The following SERPINA7 variants were observed in gnomAD, a reference collection of about 807,000 sequenced individuals.
SERPINA7 encodes the protein serpin family A member 7, also known as thyroxine-binding globulin.
SERPINA7 carries 14 observed loss-of-function variants against 16.0 expected under a neutral mutation model. That is an observed-to-expected ratio of 0.88 (90% CI 0.58 to 1.37). The LOEUF is 1.37. Ranked by LOEUF, SERPINA7 falls within the 40% of genes most tolerant of loss-of-function variation. SERPINA7 has a pLI of 0.00. For synonymous variants in SERPINA7, 140 were observed against 111.0 expected, an observed-to-expected ratio of 1.26 and a Z score of -1.65; for missense variants, 335 against 296.6, an observed-to-expected ratio of 1.13 and a Z score of -0.95.
chrX:106,033,594 A>G lies in SERPINA7; in HGVS notation c.1154T>C (p.Ile385Thr). 1.7e-6 allele frequency: 2 copies of G among 1,211,004 alleles called. No individual in the cohort carries two copies. The highest frequency in any genetic ancestry group is 2.2e-6 in the Non-Finnish European group (2 of 894,967). ...QPENTFLHPI[I>T]QIDRSFMLLI... ...CAACATGAAAGATCTATCAATTTGG[A>G]TAATAGGGTGTAGGAAAGTGTTTTC... is the stretch of plus-strand genomic sequence containing the variant. The change falls in exon 5 of 5, where the codon ATC becomes ACC. Residue 385 changes from isoleucine to threonine, a missense_variant. Transcript: ENST00000372563.
At chrX:106,037,347 G>A (rs1023685932) in intron 1 of SERPINA7, 4 of 310,392 alleles carry the variant, frequency 1.3e-5, no homozygotes, top group African/African-American at 2.6e-5. Context: ...TTATGAAAAC[G>A]CTGTGAGTAA....
chrX:106,037,637 G>A (rs921676612), intron 1 of SERPINA7, among the ~76,000 whole-genome samples: 2 of 111,178 alleles, frequency 1.8e-5, no homozygotes, highest in Non-Finnish European at 3.8e-5. Context: ...CCACGTACAA[G>A]GTCATGAGCT....
chrX:106,035,208 G>T lies in SERPINA7; in HGVS notation c.800C>A (p.Ala267Glu). ...LQMDYSKNAL[A>E]LFVLPKEGQM... Reference sequence around the variant, plus strand: ...TCCCTCCTTGGGAAGAACAAAGAGTGCCAGAGCATTCTTGCTGTAGTCCAT... The same window carrying T: ...TCCCTCCTTGGGAAGAACAAAGAGTTCCAGAGCATTCTTGCTGTAGTCCAT... The change falls in exon 3 of 5, where the codon GCA (alanine) becomes GAA (glutamate). Residue 267 changes from alanine (A) to glutamate (E), a missense_variant. Ala to Glu is a moderately radical substitution (Grantham distance 107, BLOSUM62 -1). Transcript: ENST00000372563. The T allele has an allele frequency of 2.5e-6, 3 of 1,211,195 alleles. No individual in the cohort carries two copies. Among genetic ancestry groups the T allele is most frequent in the Non-Finnish European group, 3.4e-6 (3 of 894,997 alleles).
intron 2 of SERPINA7, among the ~76,000 whole-genome samples, chrX:106,036,230 T>C (rs1463574749): frequency 9.0e-6 from 1 of 111,399 alleles, no homozygotes; most frequent in African/African-American, 3.3e-5. Context: ...GAAAGGGCGC[T>C]CTCCCTAGAA....
intron 2 of SERPINA7, among the ~76,000 whole-genome samples, chrX:106,036,141 C>T (rs2041447291): frequency 8.9e-6 from 1 of 112,171 alleles, no homozygotes; most frequent in African/African-American, 3.2e-5. Context: ...GCTTGTCCCA[C>T]CTCACCAAAT....
intron 3 of SERPINA7, 103 bp downstream of exon 3, chrX:106,035,009 G>T: frequency 1.1e-6 from 1 of 923,703 alleles, no homozygotes; most frequent in Non-Finnish European, 1.6e-6. Flanking sequence ...CATAGCTGTT[G>T]GGTAGTTCAG....
In SERPINA7 at chrX:106,036,603, G is replaced by C; in HGVS notation, c.456C>G (p.Thr152=). 8.3e-7 allele frequency: 1 copy of C among 1,210,534 alleles called. No individual in the cohort carries two copies. The highest frequency in any genetic ancestry group is 1.1e-6 in the Non-Finnish European group (1 of 894,845). ...TAGAAAAGACTTCAGTCTCATAGAG[G>C]GTCTTGACATCATTCAAGAACTTTG... ...PLAKFLNDVK[T]LYETEVFSTD... Residue 152 remains threonine, a synonymous_variant, in exon 2 of 5, where the codon ACC becomes ACG. Transcript: ENST00000372563.
Position 106,036,594 on chromosome X carries a change from C to T in SERPINA7, c.465G>A (p.Glu155=), listed in dbSNP as rs776493577. Residue 155 remains glutamate, a synonymous_variant, in exon 2 of 5, where the codon GAG becomes GAA. Coordinates refer to ENST00000372563, the MANE Select transcript of SERPINA7 (RefSeq NM_000354.6). ...AGAAGTCGGTAGAAAAGACTTCAGTCTCATAGAGGGTCTTGACATCATTCA... is the reference window on the plus strand; with the variant it reads ...AGAAGTCGGTAGAAAAGACTTCAGTTTCATAGAGGGTCTTGACATCATTCA... ...KFLNDVKTLY[E]TEVFSTDFSN... 8.3e-7 allele frequency: 1 copy of T among 1,209,175 alleles called. No homozygotes were observed. The highest frequency in any genetic ancestry group is 1.1e-6 in the Non-Finnish European group (1 of 894,833).
chrX:106,034,362 G>C lies in SERPINA7; in HGVS notation c.917C>G (p.Pro306Arg), dbSNP rs1385261270. ...LQKGWVDLFV[P>R]KFSISATYDL... ...ATATGTGGCAGAAATGGAAAACTTT[G>C]GAACAAACAAGTCAACCCATCTGTG... Residue 306 changes from proline to arginine, a missense_variant, in exon 4 of 5, where the codon CCA (proline) becomes CGA (arginine). Transcript: ENST00000372563. 7 of 1,206,169 alleles carry C rather than the reference G, an allele frequency of 5.8e-6. No individual in the cohort carries two copies. Among genetic ancestry groups the C allele is most frequent in the Middle Eastern group, 4.6e-4 (2 of 4,357 alleles).
intron 4 of SERPINA7, among the ~76,000 whole-genome samples, 199 bp downstream of exon 4, chrX:106,034,036 A>C (rs181185299): frequency 2.3e-4 from 26 of 111,938 alleles, no homozygotes; most frequent in African/African-American, 7.8e-4. Flanking sequence ...CTGGGACATA[A>C]AGGTCAAGGA....
intron 1 of SERPINA7, among the ~76,000 whole-genome samples, chrX:106,038,047 C>G (rs1348345548): frequency 9.0e-6 from 1 of 111,576 alleles, no homozygotes; most frequent in Non-Finnish European, 1.9e-5. Flanking sequence ...TTGCTAGAAA[C>G]TGTATCTCTC....
Position 106,035,163 on chromosome X carries a change from G to C in SERPINA7, c.845C>G (p.Ala282Gly), listed in dbSNP as rs1223926237. The C allele has an allele frequency of 5.8e-6, 7 of 1,211,456 alleles. No individual in the cohort carries two copies. Among genetic ancestry groups the C allele is most frequent in the Admixed American group, 2.2e-5 (1 of 46,031 alleles). Residue 282 changes from alanine to glycine, a missense_variant, in exon 3 of 5, where the codon GCT becomes GGT. By Grantham distance (60) the Ala-to-Gly change is moderately conservative (BLOSUM62 0). Transcript: ENST00000372563. Reference sequence around the variant, plus strand: ...CTTCAGTGTTTTAGATGACATGGCAGCTTCCACTGACTCCATCTGTCCCTC... The same window carrying C: ...CTTCAGTGTTTTAGATGACATGGCACCTTCCACTGACTCCATCTGTCCCTC... ...PKEGQMESVEAAMSSKTLKKW... is the reference protein window; with the variant it reads ...PKEGQMESVEGAMSSKTLKKW...
chrX:106,036,935 T>A lies in SERPINA7; in HGVS notation c.124A>T (p.Met42Leu), dbSNP rs774218199. 3 of 1,211,388 alleles carry A rather than the reference T, an allele frequency of 2.5e-6. No individual in the cohort carries two copies. Among genetic ancestry groups the A allele is most frequent in the Non-Finnish European group, 3.4e-6 (3 of 895,247 alleles). ...GCAAAGTCAGCATTAATGGATGACA[T>A]CTTGTAGAGAGTGGCATTTGGTTGG... ...SSQPNATLYK[M>L]SSINADFAFN... is the part of the protein sequence containing the mutation. Residue 42 changes from methionine to leucine, a missense_variant, in exon 2 of 5, where the codon ATG (methionine) becomes TTG (leucine). Transcript: ENST00000372563.
In SERPINA7 at chrX:106,033,620, A is replaced by G; in HGVS notation, c.1128T>C (p.Pro376=). The G allele has an allele frequency of 8.3e-7, 1 of 1,211,370 alleles. No homozygotes were observed. Among genetic ancestry groups the G allele is most frequent in the Non-Finnish European group, 1.1e-6 (1 of 895,246 alleles). ...AVPEVELSDQ[P]ENTFLHPIIQ... The stretch of plus-strand genomic sequence containing the variant: ...TAATAGGGTGTAGGAAAGTGTTTTC[A>G]GGCTGATCCGAAAGTTCAACTTCAG... Residue 376 remains proline (P), a synonymous_variant, in exon 5 of 5, where the codon CCT becomes CCC. Coordinates refer to ENST00000372563, the MANE Select transcript of SERPINA7 (RefSeq NM_000354.6).
At chrX:106,036,068 A>G (rs1164490187) in intron 2 of SERPINA7, among the ~76,000 whole-genome samples, 2 of 112,598 alleles carry the variant, frequency 1.8e-5, no homozygotes, top group African/African-American at 6.4e-5. Flanking sequence ...ATGCCTAAGT[A>G]TGTACAGCAA....
In SERPINA7 at chrX:106,032,987, C is replaced by A; in HGVS notation, c.*513G>T. 1 of 135,460 alleles carries A rather than the reference C, an allele frequency of 7.4e-6. No homozygotes were observed. Among genetic ancestry groups the A allele is most frequent in the African/African-American group, 3.2e-5 (1 of 31,544 alleles). The allele number at this position is 135,460 out of a possible 1,213,427, so 11.2% of individuals were successfully genotyped here. ...CAGTTGTCTCAGTCTGTAACTCATC[C>A]CCATAGTGGGAGTTCCTTTATTCAA... On this transcript the variant is annotated 3_prime_UTR_variant, in exon 5 of 5. Transcript: ENST00000372563.
intron 3 of SERPINA7, among the ~76,000 whole-genome samples, chrX:106,034,734 G>A (rs2041435346): frequency 8.9e-6 from 1 of 111,928 alleles, no homozygotes; most frequent in Non-Finnish European, 1.9e-5. Flanking sequence ...TTCCAGTACA[G>A]AGTGGCTGCC....
Position 106,033,426 on chromosome X carries a change from C to T in SERPINA7, c.*74G>A, listed in dbSNP as rs1465882411. ...AATGCAAGTCCAAGCTCACATCAAT[C>T]ACACCAGGCTATATTATTTATTTAT... On this transcript the variant is annotated 3_prime_UTR_variant, in exon 5 of 5. Transcript: ENST00000372563. 1.8e-6 allele frequency: 2 copies of T among 1,109,109 alleles called. No homozygotes were observed. The highest frequency in any genetic ancestry group is 3.6e-5 in the African/African-American group (2 of 55,156). The allele number at this position is 1,109,109 out of a possible 1,213,427, so 91.4% of individuals were successfully genotyped here.
chrX:106,037,329 T>C, intron 1 of SERPINA7: 1 of 349,097 alleles, frequency 2.9e-6, no homozygotes, highest in Non-Finnish European at 5.0e-6. Context: ...TCAGATGTTA[T>C]AGCAACATTA....
Sources: allele counts gnomAD v4.1 joint callset (sites outside exome capture counted in the v4.1 genomes callset), GRCh38; gene constraint gnomAD v4.1.1; transcripts MANE v1.5; gene names NCBI Gene and HGNC (gene_info 2026-07-23, HGNC 2026-07-21).